TRIM33: variants seen among roughly 807,000 people sequenced by gnomAD.
TRIM33 encodes E3 ubiquitin-protein ligase TRIM33.
A neutral mutation model predicts 125.4 loss-of-function variants in TRIM33; 20 were observed. That is an observed-to-expected ratio of 0.16 (90% CI 0.11 to 0.23). The LOEUF (loss-of-function observed/expected upper bound fraction) is 0.23, where lower values mean the gene tolerates loss of function less well. Among genes scored for constraint, TRIM33 ranks in the 10% least tolerant of loss-of-function variants. The pLI, the probability that TRIM33 is intolerant of heterozygous loss-of-function variation, is 1.00. For missense variants in TRIM33, 920 were observed against 1,411.4 expected, an observed-to-expected ratio of 0.65 and a Z score of 5.58; for synonymous variants, 564 against 513.9, an observed-to-expected ratio of 1.10 and a Z score of -1.32.
At chr1:114,398,121 T>G in intron 18 of TRIM33, 131 bp from the exon 19 acceptor site, 1 of 894,784 alleles carries the variant, frequency 1.1e-6, no homozygotes, top group Non-Finnish European at 1.7e-6. Flanking sequence ...CCAGATAAAG[T>G]GCTTTTCTAA....
rs17032770 is a variant in TRIM33 at position 114,485,655 on chromosome 1, C to A, written c.527-21267G>T. 1.4e-3 allele frequency among the ~76,000 whole-genome samples: 209 copies of A among 152,304 alleles called. 5 individuals carry two copies. The East Asian group carries it at 0.037, about 27-fold the overall frequency. On this transcript the variant is annotated intron_variant, in intron 1 of 19. Coordinates refer to ENST00000358465, the MANE Select transcript of TRIM33 (RefSeq NM_015906.4). ...ATTGAACTTTCATCTCACCTATCTG[C>A]AACATGGCAGAGAAAGTCAGCACTC... is the stretch of plus-strand genomic sequence containing the variant.
Position 114,410,428 on chromosome 1 carries a change from T to C in TRIM33, c.2062-112A>G, listed in dbSNP as rs1572018887. On this transcript the variant is annotated intron_variant, in intron 11 of 19. Transcript: ENST00000358465. ...TAATAAACTAACAGATTATCCAATA[T>C]CAAGCTGAGCCTTATTATTGCTTCC... 6 of 1,108,868 alleles carry C rather than the reference T, an allele frequency of 5.4e-6. No homozygotes were observed. In the African/African-American group the frequency reaches 9.5e-5, roughly 18 times the overall value. The allele number at this position is 1,108,868 out of a possible 1,614,324, so 68.7% of individuals were successfully genotyped here. A position where few individuals can be genotyped will look rare whatever the true frequency, so the allele number is the denominator to read the frequency against.
At chr1:114,483,461 G>A (rs140697387) in intron 1 of TRIM33, among the ~76,000 whole-genome samples, 88 of 151,240 alleles carry the variant, frequency 5.8e-4, no homozygotes, top group African/African-American at 1.8e-3. Flanking sequence ...CTGTGGCCCA[G>A]GCTGGAGTGC....
chr1:114,496,051 G>A (rs1248371002), intron 1 of TRIM33, among the ~76,000 whole-genome samples: 1 of 152,142 alleles, frequency 6.6e-6, no homozygotes, highest in Non-Finnish European at 1.5e-5. Flanking sequence ...AATATACGAA[G>A]GACAGCTGAA....
chr1:114,472,021 T>C (rs1650684419), intron 1 of TRIM33, among the ~76,000 whole-genome samples: 1 of 152,210 alleles, frequency 6.6e-6, no homozygotes, highest in African/African-American at 2.4e-5. Context: ...GCAGAAATAT[T>C]AAGGCATTTG....
rs749476654 is a variant in TRIM33 at position 114,503,296 on chromosome 1, C to A, written c.526+7255G>T. Among the ~76,000 whole-genome samples, 42 of 152,192 alleles carry A rather than the reference C, an allele frequency of 2.8e-4. No homozygotes were observed. The Middle Eastern group carries it at 0.01, about 37-fold the overall frequency. On this transcript the variant is annotated intron_variant, in intron 1 of 19. Coordinates refer to ENST00000358465, the MANE Select transcript of TRIM33 (RefSeq NM_015906.4). ...AGGAGTTCAAGACCAGCCTGGCCAA[C>A]ATGGCAAAACCCCATCTCTACTAAA... is the stretch of plus-strand genomic sequence containing the variant.
chr1:114,487,903 CAAAAAAAAA>C (rs573681532), intron 1 of TRIM33, among the ~76,000 whole-genome samples: 8 of 36,634 alleles, frequency 2.2e-4, no homozygotes, highest in African/African-American at 6.8e-4. Flanking sequence ...GACTCCGTCT[CAAAAAAAAA>C]AAAAAAAAAA....
chr1:114,461,215 A>AATATATAT (rs11367427), intron 4 of TRIM33, among the ~76,000 whole-genome samples: 3 of 133,154 alleles, frequency 2.3e-5, no homozygotes, highest in South Asian at 4.8e-4. Context: ...TGTCTTTAAA[A>AATATATAT]ATATATATAT....
At chr1:114,406,359 T>C (rs931048647) in intron 14 of TRIM33, among the ~76,000 whole-genome samples, 1 of 152,094 alleles carries the variant, frequency 6.6e-6, no homozygotes, top group Non-Finnish European at 1.5e-5. Flanking sequence ...GTGCCAACCA[T>C]ATAAAAAAGG....
chr1:114,423,140 T>C (rs905839931), intron 10 of TRIM33, among the ~76,000 whole-genome samples: 4 of 152,174 alleles, frequency 2.6e-5, no homozygotes, highest in Admixed American at 2.0e-4. Context: ...TCTTAAACCA[T>C]GTAAACACAC....
rs371083771 is a variant in TRIM33, at chr1:114,471,652, CA to C, written c.527-7265del. Among the ~76,000 whole-genome samples, 23 of 151,760 alleles carry C rather than the reference CA, an allele frequency of 1.5e-4. 1 individual carries two copies. Among genetic ancestry groups the C allele is most frequent in the Middle Eastern group, 3.4e-3 (1 of 294 alleles). On this transcript the variant is annotated intron_variant, in intron 1 of 19. Transcript: ENST00000358465. ...AACAAAACAAAACAAAAAGGTAAAACAAAAACAAACAGGAAGAATATTAGCA... is the reference window on the plus strand; with the variant it reads ...AACAAAACAAAACAAAAAGGTAAAACAAAACAAACAGGAAGAATATTAGCA...
intron 4 of TRIM33, 61 bp from the exon 5 acceptor site, chr1:114,433,794 A>T: frequency 1.9e-6 from 2 of 1,055,540 alleles, no homozygotes; most frequent in Non-Finnish European, 2.9e-6. Context: ...TTTTGGAAAT[A>T]AAGAACAGCT....
Position 114,401,431 on chromosome 1 carries a change from G to A in TRIM33, c.2925C>T (p.Cys975=), listed in dbSNP as rs1439413794. The change falls in exon 17 of 20, where the codon TGC becomes TGT. Residue 975 remains cysteine, a synonymous_variant. Coordinates refer to ENST00000358465, the MANE Select transcript of TRIM33 (RefSeq NM_015906.4). ...KCERLLLYLY[C]HELSIEFQEP... ...CCTGGAATTCAATACTTAATTCATG[G>A]CAATAGAGGTAAAGCAGAAGACGTT... 2 of 1,612,938 alleles carry A rather than the reference G, an allele frequency of 1.2e-6. No homozygotes were observed.
chr1:114,451,716 T>C (rs1649324398), intron 4 of TRIM33, among the ~76,000 whole-genome samples: 1 of 152,230 alleles, frequency 6.6e-6, no homozygotes, highest in Non-Finnish European at 1.5e-5. Context: ...GAGTGCTTAC[T>C]ATGCTAAGCA....
intron 1 of TRIM33, among the ~76,000 whole-genome samples, chr1:114,473,976 G>A (rs1165797912): frequency 6.6e-6 from 1 of 152,100 alleles, no homozygotes; most frequent in Non-Finnish European, 1.5e-5. Flanking sequence ...GGCGCTCACT[G>A]CAGCCTCAAC....
chr1:114,492,021 A>G (rs1652099383), intron 1 of TRIM33, among the ~76,000 whole-genome samples: 1 of 152,164 alleles, frequency 6.6e-6, no homozygotes, highest in South Asian at 2.1e-4. Context: ...CAATGAGAAC[A>G]TGGCCACAAC....
At chr1:114,413,379 A>G (rs1652707643) in intron 11 of TRIM33, among the ~76,000 whole-genome samples, 1 of 151,826 alleles carries the variant, frequency 6.6e-6, no homozygotes, top group African/African-American at 2.4e-5. Flanking sequence ...ACCAACATGA[A>G]GAAACCCCGT....
Position 114,399,562 on chromosome 1 carries a change from G to A in TRIM33, c.3015C>T (p.Thr1005=), listed in dbSNP as rs376287925. 1.1e-4 allele frequency: 183 copies of A among 1,610,270 alleles called. No individual in the cohort carries two copies. Among genetic ancestry groups the A allele is most frequent in the South Asian group, 3.2e-4 (29 of 90,928 alleles). ...GTTTTTTCTGAAGCTTCTTTTTCAC[G>A]GTGGATAAATCCATTGGTTTCTTTA... ...KIIKKPMDLS[T]VKKKLQKKHS... The change falls in exon 18 of 20, where the codon ACC becomes ACT. Residue 1005 remains threonine, a synonymous_variant. Coordinates refer to ENST00000358465, the MANE Select transcript of TRIM33 (RefSeq NM_015906.4).
Position 114,396,713 on chromosome 1 carries a change from G to A in TRIM33, c.*935C>T, listed in dbSNP as rs1421414001. 9.7e-6 allele frequency: 2 copies of A among 206,064 alleles called. No homozygotes were observed. Among genetic ancestry groups the A allele is most frequent in the African/African-American group, 4.6e-5 (2 of 43,772 alleles). The allele number at this position is 206,064 out of a possible 1,614,324, so 12.8% of individuals were successfully genotyped here. A position where few individuals can be genotyped will look rare whatever the true frequency, so the allele number is the denominator to read the frequency against. ...AAATACAGAAAATTTTACACATTTG[G>A]TAGTTGACAGATACTGTTTGCCAAT... On this transcript the variant is annotated 3_prime_UTR_variant, in exon 20 of 20. Coordinates refer to ENST00000358465, the MANE Select transcript of TRIM33 (RefSeq NM_015906.4).
Sources: allele counts gnomAD v4.1 joint callset (sites outside exome capture counted in the v4.1 genomes callset), GRCh38; gene constraint gnomAD v4.1.1; transcripts MANE v1.5; gene names NCBI Gene and HGNC (gene_info 2026-07-23, HGNC 2026-07-21).